Variants in NRXN3 observed in about 807,000 individuals in gnomAD.
NRXN3 encodes the protein neurexin 3, also known as neurexin III.
In NRXN3, 32 loss-of-function variants were observed where a neutral mutation model predicts 137.6. The ratio of observed to expected loss-of-function variants is 0.23; its 90% CI spans 0.18 to 0.31. NRXN3 has a LOEUF of 0.31. NRXN3 is among the 10% of genes least tolerant of loss of function. The pLI, the probability that NRXN3 is intolerant of heterozygous loss-of-function variation, is 1.00. For missense variants in NRXN3, 1,574 were observed against 2,062.5 expected, an observed-to-expected ratio of 0.76 and a Z score of 4.59; for synonymous variants, 798 against 784.5, an observed-to-expected ratio of 1.02 and a Z score of -0.29.
At chr14:79,678,143 C>A (rs114993949) in intron 17 of NRXN3, among the ~76,000 whole-genome samples, 2 of 133,946 alleles carry the variant, frequency 1.5e-5, no homozygotes, top group South Asian at 4.2e-4. Context: ...CTTCCAACCT[C>A]CCCCTACTCC....
At chr14:78,975,935 C>T (rs1020704892) in intron 14 of NRXN3, among the ~76,000 whole-genome samples, 2 of 152,164 alleles carry the variant, frequency 1.3e-5, no homozygotes, top group African/African-American at 4.8e-5. Flanking sequence ...AGGAGCTCTC[C>T]ACGGTACTCC....
chr14:79,102,579 C>A (rs2051530337), intron 15 of NRXN3, among the ~76,000 whole-genome samples: 1 of 152,082 alleles, frequency 6.6e-6, no homozygotes, highest in Admixed American at 6.6e-5. Context: ...TTCAATGAGC[C>A]AACAATCCAG....
At chr14:78,181,664 C>A (rs1263769737) in intron 1 of NRXN3, among the ~76,000 whole-genome samples, 2 of 152,140 alleles carry the variant, frequency 1.3e-5, no homozygotes, top group Non-Finnish European at 2.9e-5. Context: ...CAGAGTAAAT[C>A]TCCGCACAAC....
intron 8 of NRXN3, among the ~76,000 whole-genome samples, chr14:78,751,124 C>CT (rs1402629465): frequency 3.3e-5 from 5 of 152,110 alleles, no homozygotes; most frequent in East Asian, 1.9e-4. Context: ...ATGCTCAAGC[C>CT]TTTTTCCCCC....
chr14:78,549,286 A>G (rs543629363), intron 4 of NRXN3, among the ~76,000 whole-genome samples: 1 of 152,230 alleles, frequency 6.6e-6, no homozygotes, highest in East Asian at 1.9e-4. Context: ...CGTTTATCCA[A>G]ACTATTTTGA....
At position 79,867,463 on chromosome 14, in the gene NRXN3, C is replaced by A. The variant is rs2099418504; in HGVS notation, c.*5499C>A. On this transcript the variant is annotated 3_prime_UTR_variant, in exon 21 of 21. Coordinates refer to ENST00000335750, the MANE Select transcript of NRXN3 (RefSeq NM_001330195.2). Reference sequence around the variant, plus strand: ...ACCTTCTCACTATGTACTCACAGGGCCTTTCTTCTGTTCATGCACTGAGAG... The same window carrying A: ...ACCTTCTCACTATGTACTCACAGGGACTTTCTTCTGTTCATGCACTGAGAG... The A allele has an allele frequency of 6.6e-6, 1 of 152,280 alleles. No individual in the cohort carries two copies. The highest frequency in any genetic ancestry group is 1.9e-4 in the East Asian group (1 of 5,180). The allele number at this position is 152,280 out of a possible 1,614,324, so 9.4% of individuals were successfully genotyped here.
At chr14:78,459,745 T>C (rs1567654028) in intron 4 of NRXN3, among the ~76,000 whole-genome samples, 1 of 152,216 alleles carries the variant, frequency 6.6e-6, no homozygotes, top group Non-Finnish European at 1.5e-5. Flanking sequence ...TTTCTCGTAC[T>C]ATATATTCAC....
rs139354871 is a variant in NRXN3 at position 79,665,785 on chromosome 14, G to A, written c.3616+1836G>A. Among the ~76,000 whole-genome samples the A allele has an allele frequency of 7.6e-4, 116 of 152,220 alleles. 1 individual carries two copies. The highest frequency in any genetic ancestry group is 2.7e-3 in the African/African-American group (111 of 41,550). On this transcript the variant is annotated intron_variant, in intron 17 of 20. Transcript: ENST00000335750. ...ACCAAACCGGAGATTCTTGCTGTGC[G>A]CCTATCTTTTGGTGTCTTTCTTTAG... is the stretch of plus-strand genomic sequence containing the variant.
At chr14:79,806,085 A>G in intron 20 of NRXN3, among the ~76,000 whole-genome samples, 1 of 152,180 alleles carries the variant, frequency 6.6e-6, no homozygotes, top group East Asian at 1.9e-4. Flanking sequence ...GATATCATCG[A>G]ATTTCTGTGT....
chr14:78,452,611 T>C (rs2094577484), intron 4 of NRXN3, among the ~76,000 whole-genome samples: 1 of 152,232 alleles, frequency 6.6e-6, no homozygotes, highest in Non-Finnish European at 1.5e-5. Context: ...CATTTCAGAA[T>C]GGCTGAAAAT....
chr14:79,235,867 G>T (rs574671376), intron 15 of NRXN3, among the ~76,000 whole-genome samples: 1 of 151,926 alleles, frequency 6.6e-6, no homozygotes, highest in Non-Finnish European at 1.5e-5. Context: ...AGTGCATTGG[G>T]TTAAAAAAAA....
intron 4 of NRXN3, among the ~76,000 whole-genome samples, chr14:78,513,395 G>A (rs1384649132): frequency 2.0e-5 from 3 of 152,084 alleles, no homozygotes; most frequent in African/African-American, 7.2e-5. Flanking sequence ...TGGTGGAGAC[G>A]GCCTAGAAAA....
intron 2 of NRXN3, among the ~76,000 whole-genome samples, chr14:78,260,602 G>A (rs557525921): frequency 2.8e-4 from 43 of 152,294 alleles, no homozygotes; most frequent in African/African-American, 9.9e-4. Flanking sequence ...GAATCATGGG[G>A]GCAGGTCTTT....
chr14:78,285,677 A>ACAGTGCT, intron 3 of NRXN3, among the ~76,000 whole-genome samples: 1 of 152,360 alleles, frequency 6.6e-6, no homozygotes, highest in African/African-American at 2.4e-5. Context: ...GAATGAATCA[A>ACAGTGCT]CAGTGCTTAG....
chr14:78,657,046 C>CA (rs1174872709), intron 6 of NRXN3, among the ~76,000 whole-genome samples: 2,850 of 30,942 alleles, frequency 0.092, 456 homozygotes, highest in African/African-American at 0.12. Flanking sequence ...GACTCCGTCT[C>CA]AAAAAAAAAA....
intron 1 of NRXN3, among the ~76,000 whole-genome samples, chr14:78,209,243 G>A (rs2062505584): frequency 6.6e-6 from 1 of 152,124 alleles, no homozygotes; most frequent in South Asian, 2.1e-4. Flanking sequence ...GCCAGCTGTG[G>A]GAAGAAGAGG....
intron 16 of NRXN3, among the ~76,000 whole-genome samples, chr14:79,561,310 A>G (rs2097494306): frequency 6.6e-6 from 1 of 152,168 alleles, no homozygotes; most frequent in South Asian, 2.1e-4. Flanking sequence ...AGAACATACG[A>G]GTCTGCCTTC....
At chr14:78,948,628 C>CTTTTTTTTTTTT (rs201010514) in intron 10 of NRXN3, among the ~76,000 whole-genome samples, 166 of 108,620 alleles carry the variant, frequency 1.5e-3, no homozygotes, top group Non-Finnish European at 2.4e-3. Flanking sequence ...ACACATTTAA[C>CTTTTTTTTTTTT]TTTTTTTTTT....
chr14:79,477,465 G>A (rs2096570200), intron 16 of NRXN3, among the ~76,000 whole-genome samples: 1 of 152,042 alleles, frequency 6.6e-6, no homozygotes, highest in African/African-American at 2.4e-5. Context: ...ATAACCTATG[G>A]AAAAATGCCC....
Sources: gnomAD v4.1 joint callset for allele counts (sites outside exome capture counted in the v4.1 genomes callset) on GRCh38, gnomAD v4.1.1 for gene constraint, MANE v1.5 for transcripts, NCBI Gene and HGNC (gene_info 2026-07-23, HGNC 2026-07-21) for gene names.